DIPK2B: variants seen among roughly 807,000 people sequenced by gnomAD.
DIPK2B encodes the protein divergent protein kinase domain 2B, also known as UPF0672 protein CXorf36.
DIPK2B carries 15 observed loss-of-function variants against 22.2 expected under a neutral mutation model. That is an observed-to-expected ratio of 0.68 (90% CI 0.45 to 1.04). The LOEUF (loss-of-function observed/expected upper bound fraction) is 1.04, where lower values mean the gene tolerates loss of function less well. DIPK2B is among the 50% of genes least tolerant of loss of function. The pLI is 0.00. For synonymous variants in DIPK2B, 163 were observed against 153.2 expected (o/e 1.06, Z -0.47); for missense variants, 345 against 348.3 (o/e 0.99, Z 0.08).
At chrX:45,174,828 T>C (rs4452929) in intron 2 of DIPK2B, among the ~76,000 whole-genome samples, 25,865 of 110,908 alleles carry the variant, frequency 0.23, 2,677 homozygotes, top group African/African-American at 0.41. Context: ...TTCATGAAGA[T>C]GCCATGTGTA....
intron 3 of DIPK2B, among the ~76,000 whole-genome samples, chrX:45,155,140 C>T (rs1408702432): frequency 1.8e-5 from 2 of 108,474 alleles, no homozygotes; most frequent in African/African-American, 3.4e-5. Flanking sequence ...GTGCAAAGAT[C>T]GGCCAGGAGT....
At chrX:45,178,741 C>G (rs923903089) in intron 2 of DIPK2B, among the ~76,000 whole-genome samples, 8 of 111,533 alleles carry the variant, frequency 7.2e-5, no homozygotes, top group African/African-American at 2.6e-4. Flanking sequence ...GGTCCTTGAC[C>G]AGCTCCTAAG....
intron 1 of DIPK2B, among the ~76,000 whole-genome samples, chrX:45,199,306 G>A (rs182357374): frequency 8.2e-4 from 92 of 111,545 alleles, no homozygotes; most frequent in African/African-American, 2.8e-3. Flanking sequence ...CTTTTGTTTG[G>A]TCACCAAATC....
intron 3 of DIPK2B, among the ~76,000 whole-genome samples, chrX:45,157,460 C>T (rs1396729786): frequency 8.9e-6 from 1 of 111,831 alleles, no homozygotes; most frequent in African/African-American, 3.3e-5. Flanking sequence ...CCCTTCAGGG[C>T]CACTCAGGCA....
chrX:45,155,262 A>G (rs2046987045), intron 3 of DIPK2B, among the ~76,000 whole-genome samples: 1 of 109,995 alleles, frequency 9.1e-6, no homozygotes, highest in African/African-American at 3.3e-5. Context: ...GTCTCTACTA[A>G]AAGTGCAAAG....
intron 1 of DIPK2B, among the ~76,000 whole-genome samples, chrX:45,194,267 T>TTGA (rs1556405310): frequency 0.19 from 20,868 of 107,935 alleles, 2,201 homozygotes; most frequent in Non-Finnish European, 0.31. Context: ...TTTTTTTTTT[T>TTGA]GAGAGAGAGT....
At chrX:45,199,771 G>T (rs1029180684) in intron 1 of DIPK2B, among the ~76,000 whole-genome samples, 3 of 111,164 alleles carry the variant, frequency 2.7e-5, no homozygotes, top group African/African-American at 6.6e-5. Flanking sequence ...TGACCTCCAG[G>T]AAGGCAATGA....
At chrX:45,178,892 C>T (rs1019712916) in intron 2 of DIPK2B, among the ~76,000 whole-genome samples, 2 of 111,492 alleles carry the variant, frequency 1.8e-5, no homozygotes, top group African/African-American at 6.5e-5. Flanking sequence ...AGTGAATATC[C>T]TGGGCTTTCA....
intron 2 of DIPK2B, among the ~76,000 whole-genome samples, chrX:45,171,057 G>A (rs746478563): frequency 9.9e-5 from 11 of 111,626 alleles, no homozygotes; most frequent in Admixed American, 5.7e-4. Flanking sequence ...CTTCTGGGGC[G>A]TTGAACCTGC....
intron 2 of DIPK2B, among the ~76,000 whole-genome samples, chrX:45,178,447 T>C (rs191758452): frequency 4.7e-4 from 53 of 111,688 alleles, no homozygotes; most frequent in Non-Finnish European, 9.6e-4. Flanking sequence ...TAAATAGCTC[T>C]AAAATCTGGG....
At chrX:45,185,660 T>C (rs1447620023) in intron 2 of DIPK2B, among the ~76,000 whole-genome samples, 2 of 102,337 alleles carry the variant, frequency 2.0e-5, no homozygotes, top group Non-Finnish European at 4.0e-5. Flanking sequence ...TTTCTTTTTT[T>C]TTTTTTTTTT....
intron 2 of DIPK2B, among the ~76,000 whole-genome samples, chrX:45,172,207 T>TG (rs2047086582): frequency 8.9e-6 from 1 of 112,152 alleles, no homozygotes. Context: ...AATAAACCCC[T>TG]TTTTCACTTT....
At chrX:45,169,553 C>A (rs1434013272) in intron 2 of DIPK2B, among the ~76,000 whole-genome samples, 1 of 111,805 alleles carries the variant, frequency 8.9e-6, no homozygotes, top group African/African-American at 3.3e-5. Flanking sequence ...TCCTGAGCCC[C>A]TGTTCCCTCA....
intron 1 of DIPK2B, among the ~76,000 whole-genome samples, chrX:45,193,998 C>T (rs896179941): frequency 1.8e-5 from 2 of 109,390 alleles, no homozygotes; most frequent in African/African-American, 6.7e-5. Context: ...ATAAGAGTAA[C>T]ACGCATTTGT....
intron 3 of DIPK2B, among the ~76,000 whole-genome samples, chrX:45,155,422 CAA>C (rs796781059): frequency 5.2e-4 from 46 of 89,061 alleles, no homozygotes; most frequent in African/African-American, 1.8e-3. Flanking sequence ...GACTCTGTCT[CAA>C]AAAAAAAATA....
intron 2 of DIPK2B, among the ~76,000 whole-genome samples, chrX:45,179,180 C>T (rs1246826159): frequency 9.0e-6 from 1 of 110,918 alleles, no homozygotes; most frequent in African/African-American, 3.3e-5. Context: ...AAGCCAGCCT[C>T]CTTCCCCCAA....
chrX:45,164,382 C>G, intron 2 of DIPK2B: 1 of 673,598 alleles, frequency 1.5e-6, no homozygotes, highest in Non-Finnish European at 2.1e-6. Flanking sequence ...AAAATACTCC[C>G]ATGTTCCAGT....
At chrX:45,182,822 TAA>T (rs2047162395) in intron 2 of DIPK2B, among the ~76,000 whole-genome samples, 1 of 112,814 alleles carries the variant, frequency 8.9e-6, no homozygotes, top group African/African-American at 3.2e-5. Context: ...CATGGTGAGT[TAA>T]GTCAGAATAG....
At chrX:45,152,060 T>G in intron 4 of DIPK2B, 68 bp from the exon 5 acceptor site, 1 of 1,018,794 alleles carries the variant, frequency 9.8e-7, no homozygotes, top group Non-Finnish European at 1.3e-6. Context: ...CACCACTAAT[T>G]AGAATTCCTG....
Sources: gnomAD v4.1 joint callset for allele counts (sites outside exome capture counted in the v4.1 genomes callset) on GRCh38, gnomAD v4.1.1 for gene constraint, MANE v1.5 for transcripts, NCBI Gene and HGNC (gene_info 2026-07-23, HGNC 2026-07-21) for gene names.